IGBP1C: variants seen among roughly 807,000 people sequenced by gnomAD.
The protein encoded by IGBP1C is IGBP1 family member C.
At chr17:58,661,676 A>C in the IGBP1C span, 3 of 611,118 alleles carry the variant, frequency 4.9e-6, no homozygotes, top group Non-Finnish European at 8.7e-6. Context: ...GATTTCTAAC[A>C]ACCAGTCTGA....
the IGBP1C span, chr17:58,679,570 A>G: frequency 6.6e-6 from 1 of 152,298 alleles, no homozygotes; most frequent in East Asian, 1.9e-4. Context: ...AAATTATGCA[A>G]TTAAGTTTCC....
At chr17:58,681,607 T>G in the IGBP1C span, among the ~76,000 whole-genome samples, 9 of 152,004 alleles carry the variant, frequency 5.9e-5, no homozygotes, top group Non-Finnish European at 1.5e-5. Flanking sequence ...CCCAGTACTG[T>G]GGGAGGCCGA....
At chr17:58,688,954 G>A in the IGBP1C span, among the ~76,000 whole-genome samples, 1 of 151,748 alleles carries the variant, frequency 6.6e-6, no homozygotes, top group African/African-American at 2.4e-5. Flanking sequence ...TTTTTGAGAT[G>A]GAGTCTCGCT....
chr17:58,680,125 G>C, the IGBP1C span, among the ~76,000 whole-genome samples: 104 of 152,048 alleles, frequency 6.8e-4, 1 homozygote, highest in African/African-American at 2.4e-3. Context: ...TGTTGCCCAG[G>C]CTGGGGTACA....
At chr17:58,681,353 T>C in the IGBP1C span, among the ~76,000 whole-genome samples, 3 of 152,222 alleles carry the variant, frequency 2.0e-5, no homozygotes, top group Admixed American at 1.3e-4. Flanking sequence ...AAAAAGAATA[T>C]TGGGACAAGG....
the IGBP1C span, among the ~76,000 whole-genome samples, chr17:58,664,040 C>T: frequency 6.6e-6 from 1 of 152,134 alleles, no homozygotes; most frequent in African/African-American, 2.4e-5. Flanking sequence ...AACCGCTCCC[C>T]CAGCAACAAC....
At chr17:58,677,899 C>T in the IGBP1C span, among the ~76,000 whole-genome samples, 2 of 152,236 alleles carry the variant, frequency 1.3e-5, no homozygotes, top group African/African-American at 4.8e-5. Flanking sequence ...CGCCTGTAAT[C>T]CCAACACTTT....
the IGBP1C span, among the ~76,000 whole-genome samples, chr17:58,691,570 G>C: frequency 1.3e-5 from 2 of 150,856 alleles, no homozygotes; most frequent in East Asian, 4.0e-4. Flanking sequence ...AAGAGGCTGA[G>C]GCAGGAGACT....
the IGBP1C span, among the ~76,000 whole-genome samples, chr17:58,670,528 C>G: frequency 1.3e-5 from 2 of 151,766 alleles, no homozygotes; most frequent in Non-Finnish European, 2.9e-5. Context: ...AATCCCAGCA[C>G]TTTGGGAGGC....
chr17:58,683,017 C>T, the IGBP1C span, among the ~76,000 whole-genome samples: 2 of 146,056 alleles, frequency 1.4e-5, no homozygotes, highest in African/African-American at 2.6e-5. Flanking sequence ...CGCGCCATTG[C>T]ACTCCAGCCT....
chr17:58,671,752 TTCTA>T, the IGBP1C span, among the ~76,000 whole-genome samples: 1 of 152,188 alleles, frequency 6.6e-6, no homozygotes, highest in East Asian at 1.9e-4. Context: ...CGTTTTCTTG[TTCTA>T]TTTTCTCACC....
chr17:58,670,784 A>T, the IGBP1C span, among the ~76,000 whole-genome samples: 1 of 150,732 alleles, frequency 6.6e-6, no homozygotes, highest in East Asian at 1.9e-4. Flanking sequence ...AAAAAAAAAA[A>T]AAAAAAAAAA....
At chr17:58,689,063 T>C in the IGBP1C span, among the ~76,000 whole-genome samples, 2 of 152,008 alleles carry the variant, frequency 1.3e-5, no homozygotes, top group Admixed American at 1.3e-4. Flanking sequence ...CCCAAGTAGC[T>C]GGGACTACAG....
At chr17:58,665,034 G>C in the IGBP1C span, among the ~76,000 whole-genome samples, 591 of 152,270 alleles carry the variant, frequency 3.9e-3, 5 homozygotes, top group Middle Eastern at 6.8e-3. Context: ...ATACAGCAAG[G>C]CTCTCTGGAA....
chr17:58,688,442 AC>A, the IGBP1C span, among the ~76,000 whole-genome samples: 3 of 152,114 alleles, frequency 2.0e-5, no homozygotes, highest in African/African-American at 7.2e-5. Context: ...TTTTTAAAAA[AC>A]GTCTCAGCAT....
the IGBP1C span, among the ~76,000 whole-genome samples, chr17:58,674,726 A>G: frequency 6.6e-6 from 1 of 151,958 alleles, no homozygotes; most frequent in East Asian, 1.9e-4. Flanking sequence ...CCTGACCTCC[A>G]ATTAGGGAAT....
At chr17:58,686,861 C>T in the IGBP1C span, among the ~76,000 whole-genome samples, 53 of 71,540 alleles carry the variant, frequency 7.4e-4, no homozygotes, top group African/African-American at 2.9e-3. Flanking sequence ...GAAAGGTCAC[C>T]TTTTTTTTTT....
At chr17:58,684,630 C>CAAATAAATAAATAAAT in the IGBP1C span, among the ~76,000 whole-genome samples, 1 of 140,370 alleles carries the variant, frequency 7.1e-6, no homozygotes, top group Non-Finnish European at 1.5e-5. Context: ...GACCCTGTCT[C>CAAATAAATAAATAAAT]AAATAAATAA....
the IGBP1C span, among the ~76,000 whole-genome samples, chr17:58,680,673 T>A: frequency 6.6e-6 from 1 of 151,800 alleles, no homozygotes; most frequent in Admixed American, 6.6e-5. Flanking sequence ...GAGATGGAGG[T>A]TGCAATGAGC....
Sources: allele counts gnomAD v4.1 joint callset (sites outside exome capture counted in the v4.1 genomes callset), GRCh38; gene constraint gnomAD v4.1.1; transcripts MANE v1.5; gene names NCBI Gene and HGNC (gene_info 2026-07-23, HGNC 2026-07-21).